The following SEC24D variants were observed in gnomAD, a reference collection of about 807,000 sequenced individuals.
The protein encoded by SEC24D is protein transport protein Sec24D.
Under a neutral mutation model 116.9 loss-of-function variants are expected in SEC24D, and 69 were observed. The ratio of observed to expected loss-of-function variants is 0.59; its 90% CI spans 0.49 to 0.72. The LOEUF (loss-of-function observed/expected upper bound fraction) is 0.72. Among genes scored for constraint, SEC24D ranks in the 30% least tolerant of loss-of-function variants. The probability of loss-of-function intolerance (pLI) is 0.00; values close to 1 mark genes in which losing one functional copy is unlikely to be tolerated. For synonymous variants in SEC24D, 405 were observed against 442.8 expected (o/e 0.91, Z 1.07); for missense variants, 1,131 against 1,264.1 (o/e 0.89, Z 1.60).
At chr4:118,727,093 C>G (rs1212287059) in intron 22 of SEC24D, among the ~76,000 whole-genome samples, 1 of 152,202 alleles carries the variant, frequency 6.6e-6, no homozygotes, top group Non-Finnish European at 1.5e-5. Context: ...AGCTAGTGAG[C>G]TCCTTTGAGC....
At chr4:118,831,478 A>G (rs1730855659) in intron 2 of SEC24D, among the ~76,000 whole-genome samples, 1 of 152,182 alleles carries the variant, frequency 6.6e-6, no homozygotes, top group African/African-American at 2.4e-5. Flanking sequence ...ACGTGCCTCA[A>G]CAAAGGTGGG....
At chr4:118,827,996 G>A (rs1730655780) in intron 2 of SEC24D, among the ~76,000 whole-genome samples, 1 of 152,098 alleles carries the variant, frequency 6.6e-6, no homozygotes, top group Non-Finnish European at 1.5e-5. Context: ...TATTATATGG[G>A]TAGAATTGTA....
At chr4:118,768,406 T>C (rs1349310279) in intron 8 of SEC24D, 95 bp from the exon 9 acceptor site, 19 of 1,061,028 alleles carry the variant, frequency 1.8e-5, no homozygotes, top group East Asian at 2.6e-5. Context: ...TTTTTTTTTT[T>C]TTTTTTGAGA....
chr4:118,732,056 C>T (rs1725716583), intron 20 of SEC24D, among the ~76,000 whole-genome samples: 1 of 151,960 alleles, frequency 6.6e-6, no homozygotes. Context: ...GAGGGCGGGG[C>T]ACACAGCACT....
chr4:118,748,271 A>T (rs1194752224), intron 13 of SEC24D, among the ~76,000 whole-genome samples: 2 of 152,150 alleles, frequency 1.3e-5, no homozygotes, highest in Non-Finnish European at 2.9e-5. Flanking sequence ...ATCTCAAAAA[A>T]ACAAGAAAAT....
At chr4:118,773,817 T>G (rs1430619993) in intron 8 of SEC24D, among the ~76,000 whole-genome samples, 2 of 152,358 alleles carry the variant, frequency 1.3e-5, no homozygotes, top group East Asian at 3.9e-4. Context: ...TTAGCTTTAC[T>G]GTATATGACA....
intron 13 of SEC24D, among the ~76,000 whole-genome samples, chr4:118,748,058 G>A (rs759980558): frequency 1.1e-4 from 17 of 152,270 alleles, no homozygotes; most frequent in Admixed American, 2.0e-4. Flanking sequence ...AAGGTCAGGA[G>A]ATCAAGATCA....
intron 6 of SEC24D, among the ~76,000 whole-genome samples, chr4:118,814,239 G>A (rs1320561799): frequency 2.0e-5 from 3 of 152,234 alleles, no homozygotes; most frequent in Non-Finnish European, 4.4e-5. Context: ...GGGCACATGA[G>A]TGGTTATGAC....
chr4:118,816,999 T>A, intron 4 of SEC24D: 1 of 396,602 alleles, frequency 2.5e-6, no homozygotes, highest in Admixed American at 4.3e-5. Flanking sequence ...GAAATCAGCA[T>A]TTTTTGTCTT....
chr4:118,744,186 A>G, intron 14 of SEC24D, 28 bp from the exon 15 acceptor site: 2 of 1,501,332 alleles, frequency 1.3e-6, no homozygotes, highest in Non-Finnish European at 1.8e-6. Context: ...AAAAAAAGAA[A>G]AAATAAAAAT....
At chr4:118,755,464 C>CAAAAAAAAAAAAAAAAA (rs34008479) in intron 11 of SEC24D, among the ~76,000 whole-genome samples, 6 of 85,078 alleles carry the variant, frequency 7.1e-5, no homozygotes, top group Admixed American at 1.3e-4. Flanking sequence ...AACAAACAGA[C>CAAAAAAAAAAAAAAAAA]AAAAAAAAAA....
At chr4:118,793,466 CAAAAAAAAA>C (rs70944815) in intron 8 of SEC24D, among the ~76,000 whole-genome samples, 10 of 69,292 alleles carry the variant, frequency 1.4e-4, no homozygotes, top group East Asian at 5.9e-4. Context: ...GACTCCGTCT[CAAAAAAAAA>C]AAAAAAAAAA....
intron 7 of SEC24D, 130 bp downstream of exon 7, chr4:118,805,713 G>C: frequency 1.8e-6 from 1 of 557,292 alleles, no homozygotes. Context: ...GGGATTAACA[G>C]AGAACTGATT....
In SEC24D at chr4:118,805,912, C is replaced by T; in HGVS notation, c.844G>A (p.Val282Ile). 1 of 1,596,708 alleles carries T rather than the reference C, an allele frequency of 6.3e-7. No homozygotes were observed. Among genetic ancestry groups the T allele is most frequent in the East Asian group, 2.3e-5 (1 of 43,778 alleles). Residue 282 changes from valine to isoleucine, a missense_variant, in exon 7 of 23, where the codon GTT becomes ATT. By Grantham distance (29) the Val-to-Ile change is conservative (BLOSUM62 3). Coordinates refer to ENST00000280551, the MANE Select transcript of SEC24D (RefSeq NM_014822.4). The stretch of plus-strand genomic sequence containing the variant: ...TGGCCTCTGGTGTTGGTGGCATAAA[C>T]TTGTCCTCCTCTGCTGGCTCTATCA... ...ENDRASRGGQVYATNTRGQIP... is the reference protein window; with the variant it reads ...ENDRASRGGQIYATNTRGQIP...
At chr4:118,823,501 C>T (rs1222261237) in intron 3 of SEC24D, among the ~76,000 whole-genome samples, 2 of 152,180 alleles carry the variant, frequency 1.3e-5, no homozygotes, top group Admixed American at 6.5e-5. Flanking sequence ...TCCCCACCCC[C>T]AAACCTTGCT....
chr4:118,793,941 A>G lies in SEC24D; in HGVS notation c.1041+3742T>C, dbSNP rs1324802074. On this transcript the variant is annotated intron_variant, in intron 8 of 22. Transcript: ENST00000280551. The stretch of plus-strand genomic sequence containing the variant: ...GTCTCCAACAACATTAAAGGAATAG[A>G]GTATGTTATTTTCACAAGTAGAGCG... 2.6e-5 allele frequency among the ~76,000 whole-genome samples: 4 copies of G among 152,196 alleles called. No individual in the cohort carries two copies. The East Asian group carries it at 7.7e-4, about 29-fold the overall frequency.
chr4:118,811,344 A>G (rs115006522), intron 6 of SEC24D, among the ~76,000 whole-genome samples: 6,654 of 152,344 alleles, frequency 0.044, 197 homozygotes, highest in Non-Finnish European at 0.064. Context: ...TTCGTTTTCA[A>G]AGAAGTGCAG....
intron 7 of SEC24D, among the ~76,000 whole-genome samples, chr4:118,800,130 G>C (rs1415497756): frequency 1.3e-5 from 2 of 152,132 alleles, no homozygotes; most frequent in Non-Finnish European, 2.9e-5. Context: ...CGCTGAGACT[G>C]GGGGTCCACG....
rs764920002 is a variant in SEC24D at position 118,815,135 on chromosome 4, C to T, written c.694G>A (p.Ala232Thr). The change falls in exon 6 of 23, where the codon GCA becomes ACA. Residue 232 changes from alanine (A) to threonine (T), a missense_variant. Physicochemically the swap from Ala to Thr is moderately conservative, Grantham distance 58 (BLOSUM62 0). Transcript: ENST00000280551. Reference sequence around the variant, plus strand: ...CCTGGGTAAGACAGTTGTGCGCCTGCCATCTGGGGACCAGAGTTGGCTGCT... The same window carrying T: ...CCTGGGTAAGACAGTTGTGCGCCTGTCATCTGGGGACCAGAGTTGGCTGCT... ...PQQANSGPQM[A>T]GAQLSYPGGF... is the part of the protein sequence containing the mutation. 5.6e-6 allele frequency: 9 copies of T among 1,613,954 alleles called. No homozygotes were observed. Among genetic ancestry groups the T allele is most frequent in the Non-Finnish European group, 7.6e-6 (9 of 1,179,992 alleles).
Sources: allele counts gnomAD v4.1 joint callset (sites outside exome capture counted in the v4.1 genomes callset), GRCh38; gene constraint gnomAD v4.1.1; transcripts MANE v1.5; gene names NCBI Gene and HGNC (gene_info 2026-07-23, HGNC 2026-07-21).